MCPH1: variants seen among roughly 807,000 people sequenced by gnomAD.
MCPH1 encodes microcephalin 1, also known as microcephalin.
A neutral mutation model predicts 84.5 loss-of-function variants in MCPH1; 104 were observed. The observed-to-expected ratio is 1.23, with a 90% CI of 1.05 to 1.45. The LOEUF (loss-of-function observed/expected upper bound fraction) is 1.45. Ranked by LOEUF, MCPH1 falls within the 40% of genes most tolerant of loss-of-function variation. The pLI is 0.00. For missense variants in MCPH1, 1,498 were observed against 1,005.7 expected, an observed-to-expected ratio of 1.49 and a Z score of -6.62; for synonymous variants, 514 against 366.8, an observed-to-expected ratio of 1.40 and a Z score of -4.58.
At chr8:6,526,253 C>A in intron 12 of MCPH1, among the ~76,000 whole-genome samples, 2 of 103,902 alleles carry the variant, frequency 1.9e-5, no homozygotes, top group Non-Finnish European at 3.6e-5. Flanking sequence ...AACCTTGCCT[C>A]TACTAAAAAA....
intron 12 of MCPH1, among the ~76,000 whole-genome samples, chr8:6,603,382 G>A (rs570202802): frequency 6.6e-6 from 1 of 152,084 alleles, no homozygotes; most frequent in African/African-American, 2.4e-5. Flanking sequence ...TTTGATTGAG[G>A]TGTTATTACT....
chr8:6,621,209 C>A (rs752656808), intron 12 of MCPH1: 3 of 559,794 alleles, frequency 5.4e-6, no homozygotes, highest in South Asian at 2.1e-5. Context: ...CAAAGGCCTA[C>A]ACTTTTTTTT....
intron 9 of MCPH1, among the ~76,000 whole-genome samples, chr8:6,463,142 T>G (rs1806468686): frequency 6.6e-6 from 1 of 152,346 alleles, no homozygotes; most frequent in African/African-American, 2.4e-5. Context: ...GAGCTGATGG[T>G]CATCCTCCCA....
intron 12 of MCPH1, chr8:6,616,630 C>G (rs906644149): frequency 6.6e-6 from 1 of 152,264 alleles, no homozygotes; most frequent in African/African-American, 2.4e-5. Context: ...GAGCTCATGG[C>G]AGAGAAAGCC....
chr8:6,452,956 G>T (rs1042198974), intron 8 of MCPH1, among the ~76,000 whole-genome samples: 1 of 152,190 alleles, frequency 6.6e-6, no homozygotes, highest in Non-Finnish European at 1.5e-5. Context: ...TAGGTAGTTG[G>T]ATATAGCCAG....
At chr8:6,515,613 A>T (rs940959182) in intron 12 of MCPH1, among the ~76,000 whole-genome samples, 2 of 152,246 alleles carry the variant, frequency 1.3e-5, no homozygotes, top group African/African-American at 4.8e-5. Flanking sequence ...TTATGAAATT[A>T]AAAACCCCTG....
intron 13 of MCPH1, among the ~76,000 whole-genome samples, chr8:6,624,623 A>G (rs755438222): frequency 1.3e-5 from 2 of 152,238 alleles, no homozygotes; most frequent in Non-Finnish European, 2.9e-5. Flanking sequence ...CTGTCCGTAC[A>G]TACTTCTGGC....
chr8:6,428,705 T>G (rs1801413000), intron 3 of MCPH1, among the ~76,000 whole-genome samples: 1 of 152,270 alleles, frequency 6.6e-6, no homozygotes, highest in Admixed American at 6.5e-5. Flanking sequence ...CATTTCTTTT[T>G]ATGGTGGAAT....
intron 13 of MCPH1, among the ~76,000 whole-genome samples, chr8:6,636,701 A>G (rs754399083): frequency 2.0e-5 from 3 of 152,150 alleles, no homozygotes; most frequent in African/African-American, 4.8e-5. Context: ...CCTCTAGGCT[A>G]TGTGTATAAG....
intron 12 of MCPH1, among the ~76,000 whole-genome samples, chr8:6,522,315 A>G (rs1817513695): frequency 6.6e-6 from 1 of 152,062 alleles, no homozygotes; most frequent in African/African-American, 2.4e-5. Flanking sequence ...AGATCATGCC[A>G]CTGCACTCCA....
At chr8:6,584,684 A>C (rs1369673887) in intron 12 of MCPH1, among the ~76,000 whole-genome samples, 2 of 152,224 alleles carry the variant, frequency 1.3e-5, no homozygotes, top group African/African-American at 4.8e-5. Flanking sequence ...GACAATATAC[A>C]AAGCAGTTTG....
intron 9 of MCPH1, among the ~76,000 whole-genome samples, chr8:6,460,448 T>A (rs1806150253): frequency 6.6e-6 from 1 of 152,170 alleles, no homozygotes; most frequent in Non-Finnish European, 1.5e-5. Context: ...ACGCCTGGTC[T>A]CAAACAATCC....
intron 12 of MCPH1, among the ~76,000 whole-genome samples, chr8:6,585,415 C>A (rs1827891902): frequency 6.6e-6 from 1 of 152,248 alleles, no homozygotes; most frequent in South Asian, 2.1e-4. Context: ...GGTGCCCTCA[C>A]AGCTGTCTGG....
intron 3 of MCPH1, among the ~76,000 whole-genome samples, chr8:6,421,243 G>C (rs1800154574): frequency 6.6e-6 from 1 of 152,108 alleles, no homozygotes; most frequent in South Asian, 2.1e-4. Context: ...AACAGGTGTG[G>C]ACTGTCAGGA....
chr8:6,440,642 G>C (rs1393897915), intron 6 of MCPH1, among the ~76,000 whole-genome samples: 1 of 152,170 alleles, frequency 6.6e-6, no homozygotes, highest in East Asian at 1.9e-4. Flanking sequence ...TTAGCCTGTA[G>C]CCTTTTTCAG....
intron 12 of MCPH1, among the ~76,000 whole-genome samples, chr8:6,617,936 T>TATCTATCTATCTATCTA (rs1831015004): frequency 6.6e-6 from 1 of 152,020 alleles, no homozygotes; most frequent in African/African-American, 2.4e-5. Context: ...TCTATCTATC[T>TATCTATCTATCTATCTA]ATCTATCTTT....
At position 6,587,804 on chromosome 8, in the gene MCPH1, A is replaced by G. The variant is rs535403225; in HGVS notation, c.2215-33650A>G. Among the ~76,000 whole-genome samples the G allele has an allele frequency of 3.3e-4, 51 of 152,342 alleles. No homozygotes were observed. In the South Asian group the frequency reaches 6.8e-3, roughly 20 times the overall value. On this transcript the variant is annotated intron_variant, in intron 12 of 13. Coordinates refer to ENST00000344683, the MANE Select transcript of MCPH1 (RefSeq NM_024596.5). ...GAGAGCACAGACATGGACTAAGTTAAAGGATGGTAAATTAGCAATGCCCAA... is the reference window on the plus strand; with the variant it reads ...GAGAGCACAGACATGGACTAAGTTAGAGGATGGTAAATTAGCAATGCCCAA...
chr8:6,452,651 C>T (rs1198853361), intron 8 of MCPH1, among the ~76,000 whole-genome samples: 2 of 152,220 alleles, frequency 1.3e-5, no homozygotes, highest in African/African-American at 4.8e-5. Context: ...ATGGGGGCTT[C>T]ATGATGAGAT....
intron 3 of MCPH1, among the ~76,000 whole-genome samples, chr8:6,426,711 C>A (rs1425411124): frequency 6.6e-6 from 1 of 152,194 alleles, no homozygotes; most frequent in Non-Finnish European, 1.5e-5. Flanking sequence ...GTGGTTATGG[C>A]ACTGTATATT....
Sources: gnomAD v4.1 joint callset for allele counts (sites outside exome capture counted in the v4.1 genomes callset) on GRCh38, gnomAD v4.1.1 for gene constraint, MANE v1.5 for transcripts, NCBI Gene and HGNC (gene_info 2026-07-23, HGNC 2026-07-21) for gene names.